The following GRM5 variants were observed in gnomAD, a reference collection of about 807,000 sequenced individuals.
GRM5 encodes the protein metabotropic glutamate receptor 5.
GRM5 carries 19 observed loss-of-function variants against 83.1 expected under a neutral mutation model. That is an observed-to-expected ratio of 0.23 (90% CI 0.16 to 0.34). The LOEUF (loss-of-function observed/expected upper bound fraction) is 0.34. GRM5 is among the 10% of genes least tolerant of loss of function. The pLI, the probability that GRM5 is intolerant of heterozygous loss-of-function variation, is 1.00. For missense variants in GRM5, 1,160 were observed against 1,588.3 expected, an observed-to-expected ratio of 0.73 and a Z score of 4.58; for synonymous variants, 675 against 633.6, an observed-to-expected ratio of 1.07 and a Z score of -0.98.
chr11:88,618,398 T>A (rs1443437067), intron 4 of GRM5, among the ~76,000 whole-genome samples: 1 of 152,234 alleles, frequency 6.6e-6, no homozygotes, highest in Non-Finnish European at 1.5e-5. Flanking sequence ...TTTAAATGAT[T>A]TAGTAGAATT....
chr11:88,508,518 G>C lies in GRM5; in HGVS notation c.*74C>G, dbSNP rs1941242064. The C allele has an allele frequency of 7.9e-6, 10 of 1,261,420 alleles. No homozygotes were observed. The highest frequency in any genetic ancestry group is 1.1e-5 in the Non-Finnish European group (10 of 886,512). 78.1% of individuals were successfully genotyped at this position (1,261,420 alleles called of 1,614,324 possible). On this transcript the variant is annotated 3_prime_UTR_variant, in exon 10 of 10. Transcript: ENST00000305447. This position sits in a 1 kb window ranked among gnomAD's most constrained non-coding sequence, Gnocchi z 4.2. ...CCCTGGGCCGTAACCAGGCGACTAT[G>C]CTTGCCATTGTGTGTGTGTGAACAC... is the stretch of plus-strand genomic sequence containing the variant.
At chr11:88,765,119 A>G (rs1406157832) in intron 3 of GRM5, among the ~76,000 whole-genome samples, 1 of 151,618 alleles carries the variant, frequency 6.6e-6, no homozygotes, top group Non-Finnish European at 1.5e-5. Flanking sequence ...ACAAATTCTT[A>G]CAAACACACA....
intron 9 of GRM5, among the ~76,000 whole-genome samples, chr11:88,519,780 C>T (rs1205279435): frequency 6.6e-6 from 1 of 152,092 alleles, no homozygotes; most frequent in Non-Finnish European, 1.5e-5. Flanking sequence ...ACGTAAAAAA[C>T]AACCTTTCTA....
chr11:88,604,285 C>T (rs118124606), intron 5 of GRM5, among the ~76,000 whole-genome samples: 10 of 152,214 alleles, frequency 6.6e-5, no homozygotes, highest in Middle Eastern at 6.8e-3. Flanking sequence ...ACTTGCTGTA[C>T]GTACAGCAAA....
chr11:88,884,584 G>T (rs1265973656), intron 2 of GRM5, among the ~76,000 whole-genome samples: 1 of 152,082 alleles, frequency 6.6e-6, no homozygotes, highest in East Asian at 1.9e-4. Context: ...ACTTGGGAGG[G>T]GTAAGAGGTA....
intron 2 of GRM5, among the ~76,000 whole-genome samples, chr11:89,022,225 T>C (rs867838268): frequency 8.5e-5 from 13 of 152,318 alleles, no homozygotes; most frequent in Middle Eastern, 3.4e-3. Flanking sequence ...CAATATTCAC[T>C]ATACACACTA....
At chr11:88,673,442 C>T (rs1467942793) in intron 3 of GRM5, among the ~76,000 whole-genome samples, 5 of 151,912 alleles carry the variant, frequency 3.3e-5, no homozygotes, top group East Asian at 1.9e-4. Context: ...AACTTTGAAA[C>T]GCTTGTGAAA....
At chr11:88,820,656 T>A (rs1943773189) in intron 3 of GRM5, among the ~76,000 whole-genome samples, 1 of 152,224 alleles carries the variant, frequency 6.6e-6, no homozygotes, top group Admixed American at 6.5e-5. Context: ...TTTAATTTGT[T>A]AATTTGTGAT....
chr11:88,762,988 T>C (rs12416820), intron 3 of GRM5, among the ~76,000 whole-genome samples: 2,542 of 151,746 alleles, frequency 0.017, 45 homozygotes, highest in East Asian at 0.068. Context: ...TGTGGACACA[T>C]AGAGGAGAAT....
rs1591410881 is a variant in GRM5 at position 88,649,474 on chromosome 11, A to G, written c.1147+3694T>C. Among the ~76,000 whole-genome samples, 4 of 144,392 alleles carry G rather than the reference A, an allele frequency of 2.8e-5. No homozygotes were observed. In the South Asian group the frequency reaches 6.3e-4, roughly 23 times the overall value. The allele number at this position is 144,392 out of a possible 152,430, so 94.7% of individuals were successfully genotyped here. ...ATATTATATATTACATATATACTAT[A>G]TATAATTTATATATTACATATATAT... On this transcript the variant is annotated intron_variant, in intron 4 of 9. Coordinates refer to ENST00000305447, the MANE Select transcript of GRM5 (RefSeq NM_001143831.3).
At chr11:88,814,423 G>T (rs1349207547) in intron 3 of GRM5, among the ~76,000 whole-genome samples, 1 of 152,150 alleles carries the variant, frequency 6.6e-6, no homozygotes, top group Non-Finnish European at 1.5e-5. Context: ...AAAACATACA[G>T]TCTGAAAGTA....
chr11:88,586,927 A>C (rs908020823), intron 7 of GRM5, among the ~76,000 whole-genome samples: 3 of 152,152 alleles, frequency 2.0e-5, no homozygotes, highest in African/African-American at 4.8e-5. Flanking sequence ...CAAACTCGTT[A>C]AAGGCTTTAC....
chr11:88,944,864 CA>C (rs1938227803), intron 2 of GRM5, among the ~76,000 whole-genome samples: 1 of 151,698 alleles, frequency 6.6e-6, no homozygotes, highest in African/African-American at 2.4e-5. Flanking sequence ...CTAGCTAGAG[CA>C]ACAAGGCAAC....
intron 3 of GRM5, among the ~76,000 whole-genome samples, chr11:88,819,147 G>A (rs1943742037): frequency 6.6e-6 from 1 of 152,180 alleles, no homozygotes; most frequent in South Asian, 2.1e-4. Flanking sequence ...TAATAGAGTG[G>A]AAAGAGCATA....
At chr11:88,828,078 A>T (rs1314863694) in intron 3 of GRM5, among the ~76,000 whole-genome samples, 1 of 152,194 alleles carries the variant, frequency 6.6e-6, no homozygotes, top group East Asian at 1.9e-4. Context: ...AGAGAACAGT[A>T]AGTGCAAAAG....
At chr11:88,693,637 T>C (rs576891305) in intron 3 of GRM5, among the ~76,000 whole-genome samples, 6 of 152,186 alleles carry the variant, frequency 3.9e-5, no homozygotes, top group Non-Finnish European at 8.8e-5. Flanking sequence ...CACCTCTCCA[T>C]ATGGATGGGC....
At chr11:88,841,145 C>A (rs926397053) in intron 3 of GRM5, among the ~76,000 whole-genome samples, 1 of 152,124 alleles carries the variant, frequency 6.6e-6, no homozygotes, top group African/African-American at 2.4e-5. Flanking sequence ...CACTTCTATT[C>A]TTTACTAATA....
intron 2 of GRM5, among the ~76,000 whole-genome samples, chr11:88,859,406 A>T (rs985817512): frequency 6.6e-5 from 10 of 152,076 alleles, no homozygotes; most frequent in Non-Finnish European, 1.3e-4. Flanking sequence ...CATCATCATC[A>T]CCATCCTCAA....
chr11:88,967,673 T>C (rs534624986), intron 2 of GRM5, among the ~76,000 whole-genome samples: 3 of 152,212 alleles, frequency 2.0e-5, no homozygotes, highest in East Asian at 1.9e-4. Context: ...AGGGATTAAA[T>C]TTCAACATGA....
Sources: gnomAD v4.1 joint callset for allele counts (sites outside exome capture counted in the v4.1 genomes callset) on GRCh38, gnomAD v4.1.1 for gene constraint, Gnocchi (gnomAD v3.1) non-coding constraint, MANE v1.5 for transcripts, NCBI Gene and HGNC (gene_info 2026-07-23, HGNC 2026-07-21) for gene names.